Variants in AKAP19 observed in about 807,000 individuals in gnomAD.
The protein encoded by AKAP19 is small A-kinase anchoring protein.
the AKAP19 span, among the ~76,000 whole-genome samples, chr2:190,047,138 C>T: frequency 6.6e-6 from 1 of 152,114 alleles, no homozygotes; most frequent in Non-Finnish European, 1.5e-5. Context: ...GGTGTCCATC[C>T]ACCCCTAAAG....
the AKAP19 span, among the ~76,000 whole-genome samples, chr2:189,975,998 G>A: frequency 3.4e-4 from 51 of 152,156 alleles, no homozygotes; most frequent in East Asian, 9.6e-4. Context: ...GTCATTCTCC[G>A]TCCAGCTTTG....
At chr2:189,897,771 C>A in the AKAP19 span, among the ~76,000 whole-genome samples, 1 of 152,172 alleles carries the variant, frequency 6.6e-6, no homozygotes, top group Non-Finnish European at 1.5e-5. Flanking sequence ...TATCTTCCAA[C>A]TTCTCTTTGT....
At chr2:190,177,379 C>T in the AKAP19 span, among the ~76,000 whole-genome samples, 1 of 152,140 alleles carries the variant, frequency 6.6e-6, no homozygotes, top group African/African-American at 2.4e-5. The surrounding 1 kb of genome is among the most constrained non-coding windows in gnomAD (Gnocchi z 4.6). Context: ...CTATGCCATC[C>T]CCCTCTCCAG....
the AKAP19 span, among the ~76,000 whole-genome samples, chr2:189,960,586 C>A: frequency 2.0e-5 from 3 of 152,192 alleles, no homozygotes; most frequent in African/African-American, 7.2e-5. Flanking sequence ...AGAGAAGATT[C>A]ATTCTGGCTT....
At chr2:190,023,492 C>T in the AKAP19 span, among the ~76,000 whole-genome samples, 7 of 151,988 alleles carry the variant, frequency 4.6e-5, no homozygotes, top group African/African-American at 7.2e-5. Context: ...AATTTTATGA[C>T]TATAGAATGA....
chr2:190,040,980 T>G, the AKAP19 span, among the ~76,000 whole-genome samples: 1 of 152,300 alleles, frequency 6.6e-6, no homozygotes, highest in South Asian at 2.1e-4. Context: ...TTGTTCTTTT[T>G]GCTTAGGATC....
chr2:189,984,525 A>G, the AKAP19 span, among the ~76,000 whole-genome samples: 2 of 152,118 alleles, frequency 1.3e-5, no homozygotes, highest in African/African-American at 2.4e-5. Flanking sequence ...ACAAACACAC[A>G]TGCTGTACAA....
At chr2:189,884,017 C>T in the AKAP19 span, among the ~76,000 whole-genome samples, 1 of 151,956 alleles carries the variant, frequency 6.6e-6, no homozygotes, top group Non-Finnish European at 1.5e-5. Flanking sequence ...CACCCAGATG[C>T]TTAATAAGAC....
the AKAP19 span, among the ~76,000 whole-genome samples, chr2:189,984,640 G>A: frequency 6.6e-6 from 1 of 151,874 alleles, no homozygotes; most frequent in Non-Finnish European, 1.5e-5. Flanking sequence ...GAAATCACAA[G>A]GGTATTGATT....
the AKAP19 span, among the ~76,000 whole-genome samples, chr2:189,987,671 A>AT: frequency 6.6e-6 from 1 of 152,176 alleles, no homozygotes. Context: ...AAGTAAGGGG[A>AT]TTTTTCTAAA....
the AKAP19 span, among the ~76,000 whole-genome samples, chr2:189,893,718 C>G: frequency 4.6e-5 from 7 of 152,184 alleles, no homozygotes; most frequent in African/African-American, 1.7e-4. Context: ...CTGGCCCTCT[C>G]TAACCATGGG....
the AKAP19 span, chr2:189,917,394 A>G: frequency 1.1e-6 from 1 of 916,636 alleles, no homozygotes; most frequent in Non-Finnish European, 1.7e-6. Context: ...CTCATGCCAG[A>G]TCTCAAATTC....
chr2:190,192,907 G>A, the AKAP19 span, among the ~76,000 whole-genome samples: 1 of 151,804 alleles, frequency 6.6e-6, no homozygotes. Flanking sequence ...TTTGGGGGGA[G>A]GCCATATAAT....
chr2:189,969,465 T>C, the AKAP19 span, among the ~76,000 whole-genome samples: 1 of 152,098 alleles, frequency 6.6e-6, no homozygotes. Context: ...CACTCTACCA[T>C]TACTAAAAAT....
At chr2:190,146,666 G>A in the AKAP19 span, among the ~76,000 whole-genome samples, 1 of 152,142 alleles carries the variant, frequency 6.6e-6, no homozygotes, top group Non-Finnish European at 1.5e-5. Flanking sequence ...AGCATCCACT[G>A]TTTTCTGATT....
At chr2:190,191,473 A>G in the AKAP19 span, among the ~76,000 whole-genome samples, 3 of 152,132 alleles carry the variant, frequency 2.0e-5, no homozygotes, top group African/African-American at 7.2e-5. Context: ...GTGAACACAA[A>G]TTTTCATGTA....
chr2:190,171,300 C>T, the AKAP19 span, among the ~76,000 whole-genome samples: 1 of 151,856 alleles, frequency 6.6e-6, no homozygotes, highest in Non-Finnish European at 1.5e-5. Context: ...GAAGGAAGGC[C>T]TGAAAATGAA....
At chr2:190,070,777 C>A in the AKAP19 span, among the ~76,000 whole-genome samples, 1 of 152,092 alleles carries the variant, frequency 6.6e-6, no homozygotes, top group Non-Finnish European at 1.5e-5. Context: ...TTCTGGAAAT[C>A]TAATATATTT....
At chr2:190,186,041 T>A in the AKAP19 span, among the ~76,000 whole-genome samples, 1 of 152,184 alleles carries the variant, frequency 6.6e-6, no homozygotes, top group African/African-American at 2.4e-5. This position sits in a 1 kb window ranked among gnomAD's most constrained non-coding sequence, Gnocchi z 5.5. Flanking sequence ...AACTTCTGCC[T>A]CCCAGGTTCA....
Sources: allele counts gnomAD v4.1 joint callset (sites outside exome capture counted in the v4.1 genomes callset), GRCh38; gene constraint gnomAD v4.1.1; non-coding constraint Gnocchi (gnomAD v3.1); transcripts MANE v1.5; gene names NCBI Gene and HGNC (gene_info 2026-07-23, HGNC 2026-07-21).